RAI14: variants seen among roughly 807,000 people sequenced by gnomAD.
RAI14 encodes retinoic acid induced 14, also known as ankycorbin.
RAI14 carries 45 observed loss-of-function variants against 115.4 expected under a neutral mutation model. The observed-to-expected ratio is 0.39, with a 90% CI of 0.31 to 0.50. RAI14 has a LOEUF of 0.50. RAI14 is among the 20% of genes least tolerant of loss of function. The probability of loss-of-function intolerance (pLI) is 0.85; values close to 1 mark genes in which losing one functional copy is unlikely to be tolerated. For missense variants in RAI14, 939 were observed against 1,131.2 expected (o/e 0.83, Z 2.44); for synonymous variants, 371 against 415.4 (o/e 0.89, Z 1.30).
At chr5:34,815,633 T>A (rs1291366234) in intron 12 of RAI14, among the ~76,000 whole-genome samples, 1 of 152,040 alleles carries the variant, frequency 6.6e-6, no homozygotes, top group African/African-American at 2.4e-5. Flanking sequence ...GAGAGTAGAA[T>A]GATAATTGGG....
chr5:34,723,409 A>T (rs183406989), intron 2 of RAI14, among the ~76,000 whole-genome samples: 1 of 152,306 alleles, frequency 6.6e-6, no homozygotes, highest in East Asian at 1.9e-4. Flanking sequence ...TGGAGACAGA[A>T]TACCTTTTTT....
At chr5:34,686,244 T>C (rs563848307) in intron 1 of RAI14, 3 of 152,142 alleles carry the variant, frequency 2.0e-5, no homozygotes, top group East Asian at 1.9e-4. Context: ...TGCTCTACTT[T>C]TAATGTTTGA....
At chr5:34,762,915 T>C (rs917834805) in intron 3 of RAI14, among the ~76,000 whole-genome samples, 4 of 150,904 alleles carry the variant, frequency 2.7e-5, no homozygotes, top group Non-Finnish European at 4.4e-5. Context: ...TGTGTAGATA[T>C]AAGGAGTGTG....
At chr5:34,780,380 A>C (rs1751458613) in intron 3 of RAI14, among the ~76,000 whole-genome samples, 1 of 152,232 alleles carries the variant, frequency 6.6e-6, no homozygotes, top group East Asian at 1.9e-4. Flanking sequence ...AATGGGATTA[A>C]TTAAACTAAA....
At chr5:34,752,120 G>T (rs780563652) in intron 2 of RAI14, among the ~76,000 whole-genome samples, 1 of 152,072 alleles carries the variant, frequency 6.6e-6, no homozygotes, top group Non-Finnish European at 1.5e-5. Flanking sequence ...ATAAGGCTGG[G>T]CTCCTTAGTT....
intron 7 of RAI14, 115 bp from the exon 8 acceptor site, chr5:34,810,897 G>C: frequency 6.7e-7 from 1 of 1,503,438 alleles, no homozygotes; most frequent in Non-Finnish European, 9.0e-7. Flanking sequence ...CCAGATACTA[G>C]ATCAGCAGTC....
chr5:34,671,473 C>T (rs544012068), intron 1 of RAI14, among the ~76,000 whole-genome samples: 5 of 152,182 alleles, frequency 3.3e-5, no homozygotes, highest in Admixed American at 6.5e-5. Context: ...AAGCTGGGAG[C>T]GTATACATTT....
At chr5:34,664,036 A>G (rs968983062) in intron 1 of RAI14, among the ~76,000 whole-genome samples, 3 of 152,162 alleles carry the variant, frequency 2.0e-5, no homozygotes, top group African/African-American at 7.2e-5. Flanking sequence ...GCAAGGGGAC[A>G]CCTTTGGGAA....
rs140938375 is a variant in RAI14 at position 34,715,942 on chromosome 5, G to A, written c.36+28987G>A. On this transcript the variant is annotated intron_variant, in intron 2 of 17. Coordinates refer to ENST00000265109, the MANE Select transcript of RAI14 (RefSeq NM_015577.3). ...TACTGGACACTTTAAAGGAAATGAG[G>A]CTTTTTTAAAAAAAGAAAAAGCATT... is the stretch of plus-strand genomic sequence containing the variant. The A allele has an allele frequency of 1.7e-3, 545 of 316,932 alleles. 3 individuals are homozygous for A. Among genetic ancestry groups the A allele is most frequent in the African/African-American group, 0.01 (462 of 44,154 alleles). 19.6% of individuals were successfully genotyped at this position (316,932 alleles called of 1,614,324 possible). A position where few individuals can be genotyped will look rare whatever the true frequency, so the allele number is the denominator to read the frequency against.
chr5:34,671,254 C>G (rs1743599685), intron 1 of RAI14, among the ~76,000 whole-genome samples: 1 of 152,170 alleles, frequency 6.6e-6, no homozygotes, highest in Non-Finnish European at 1.5e-5. Context: ...CCTTTCATAG[C>G]AGACATCGTC....
intron 1 of RAI14, among the ~76,000 whole-genome samples, chr5:34,665,806 T>C (rs1356227467): frequency 6.6e-6 from 1 of 152,150 alleles, no homozygotes; most frequent in Non-Finnish European, 1.5e-5. Flanking sequence ...TATTTTTCTA[T>C]CATGTGCCGC....
At chr5:34,795,873 ACT>A in intron 3 of RAI14, 64 bp from the exon 4 acceptor site, 1 of 1,369,972 alleles carries the variant, frequency 7.3e-7, no homozygotes, top group South Asian at 1.2e-5. Context: ...CGGGGGGGAA[ACT>A]CTGTTGGAGA....
intron 2 of RAI14, among the ~76,000 whole-genome samples, chr5:34,709,121 C>A (rs1231517647): frequency 7.1e-6 from 1 of 140,924 alleles, no homozygotes; most frequent in African/African-American, 2.7e-5. Flanking sequence ...CAAAGTGAGA[C>A]CCTATCTCAA....
intron 17 of RAI14, 21 bp downstream of exon 17, chr5:34,829,818 G>A (rs752518261): frequency 6.3e-7 from 1 of 1,575,586 alleles, no homozygotes; most frequent in Non-Finnish European, 8.7e-7. Flanking sequence ...GCCCCTTGAA[G>A]TATCTGGACA....
intron 3 of RAI14, among the ~76,000 whole-genome samples, chr5:34,767,139 A>G (rs1045460909): frequency 6.6e-6 from 1 of 152,232 alleles, no homozygotes; most frequent in South Asian, 2.1e-4. Context: ...AGACTAATAC[A>G]ATTGCTAAGA....
chr5:34,729,923 TC>T (rs1293869322), intron 2 of RAI14, among the ~76,000 whole-genome samples: 2 of 152,226 alleles, frequency 1.3e-5, no homozygotes, highest in African/African-American at 4.8e-5. Flanking sequence ...TATAATTTTT[TC>T]TAAAGATGTG....
chr5:34,786,315 G>A (rs547951591), intron 3 of RAI14, among the ~76,000 whole-genome samples: 46 of 152,292 alleles, frequency 3.0e-4, no homozygotes, highest in South Asian at 1.7e-3. Flanking sequence ...GAGAGCAGTC[G>A]CTCAAGGTGC....
chr5:34,789,588 C>T (rs1387751984), intron 3 of RAI14, among the ~76,000 whole-genome samples: 1 of 151,978 alleles, frequency 6.6e-6, no homozygotes, highest in African/African-American at 2.4e-5. Flanking sequence ...TAGCTTTTGC[C>T]CCTCCTTTCC....
chr5:34,756,542 C>T (rs1430156022), intron 2 of RAI14, among the ~76,000 whole-genome samples: 1 of 152,152 alleles, frequency 6.6e-6, no homozygotes, highest in Non-Finnish European at 1.5e-5. Context: ...GTGCCCAGAG[C>T]CTCTGATATG....
Sources: allele counts gnomAD v4.1 joint callset (sites outside exome capture counted in the v4.1 genomes callset), GRCh38; gene constraint gnomAD v4.1.1; transcripts MANE v1.5; gene names NCBI Gene and HGNC (gene_info 2026-07-23, HGNC 2026-07-21).